GIGYF2: variants seen among roughly 807,000 people sequenced by gnomAD.
The protein encoded by GIGYF2 is GRB10-interacting GYF protein 2.
A neutral mutation model predicts 208.1 loss-of-function variants in GIGYF2; 25 were observed. The ratio of observed to expected loss-of-function variants is 0.12; its 90% CI spans 0.09 to 0.17. The LOEUF is 0.17. Ranked by LOEUF, GIGYF2 falls within the 10% of genes least tolerant of loss-of-function variation. GIGYF2 has a pLI of 1.00. For synonymous variants in GIGYF2, 534 were observed against 543.8 expected (o/e 0.98, Z 0.25); for missense variants, 1,302 against 1,579.4 (o/e 0.82, Z 2.98).
chr2:232,813,232 C>T (rs566048188), intron 18 of GIGYF2, among the ~76,000 whole-genome samples: 7 of 149,076 alleles, frequency 4.7e-5, no homozygotes, highest in South Asian at 2.1e-4. Context: ...CACTGTTGCC[C>T]GGGCTAGAGT....
rs185476632 is a variant in GIGYF2, at chr2:232,717,604, A to G, written c.-44+14115A>G. Among the ~76,000 whole-genome samples the G allele has an allele frequency of 6.9e-3, 1,047 of 152,268 alleles. 6 individuals carry two copies. The highest frequency in any genetic ancestry group is 0.027 in the Middle Eastern group (8 of 294). ...GAATACCTGAGACTGGGTGATTTAT[A>G]AAGAAAAGAGGTTTATTTGGCTCAT... On this transcript the variant is annotated intron_variant, in intron 2 of 28. Transcript: ENST00000373563.
At chr2:232,829,208 A>G (rs984958234) in intron 21 of GIGYF2, among the ~76,000 whole-genome samples, 6 of 152,154 alleles carry the variant, frequency 3.9e-5, no homozygotes, top group Non-Finnish European at 8.8e-5. Flanking sequence ...ATATACATTT[A>G]TATAGTTCTG....
intron 1 of GIGYF2, chr2:232,698,309 T>G (rs1426897861): frequency 6.6e-6 from 1 of 152,210 alleles, no homozygotes; most frequent in Non-Finnish European, 1.5e-5. Flanking sequence ...GTAAGAAAGG[T>G]AAGTATTCCA....
At chr2:232,729,379 A>G (rs1574808225) in intron 2 of GIGYF2, 1 of 351,046 alleles carries the variant, frequency 2.8e-6, no homozygotes, top group Non-Finnish European at 4.8e-6. Flanking sequence ...GCTTTGAATC[A>G]TAAAGAAGAA....
At chr2:232,709,744 G>A (rs2106253504) in intron 2 of GIGYF2, among the ~76,000 whole-genome samples, 1 of 151,932 alleles carries the variant, frequency 6.6e-6, no homozygotes, top group African/African-American at 2.4e-5. Context: ...GGGAGGCAGA[G>A]GTTTCAGTGA....
intron 8 of GIGYF2, among the ~76,000 whole-genome samples, chr2:232,773,327 G>A (rs994746667): frequency 6.6e-5 from 10 of 152,214 alleles, no homozygotes; most frequent in African/African-American, 2.2e-4. Context: ...TAATTCTTCA[G>A]TATCTCAACA....
At chr2:232,821,783 AT>A (rs569119350) in intron 21 of GIGYF2, among the ~76,000 whole-genome samples, 9 of 151,666 alleles carry the variant, frequency 5.9e-5, no homozygotes, top group African/African-American at 1.5e-4. Context: ...TATCTCCTGT[AT>A]TTTTTTTAAA....
At chr2:232,791,511 G>GCAGAAGCCTAAC in intron 12 of GIGYF2, 65 bp downstream of exon 12, 1 of 1,395,614 alleles carries the variant, frequency 7.2e-7, no homozygotes, top group African/African-American at 1.4e-5. Context: ...TCACTGATAA[G>GCAGAAGCCTAAC]TTAGGCTTCT....
At chr2:232,733,547 G>A (rs574203647) in intron 2 of GIGYF2, among the ~76,000 whole-genome samples, 3 of 152,314 alleles carry the variant, frequency 2.0e-5, no homozygotes, top group South Asian at 4.1e-4. Flanking sequence ...AGGCAACAGG[G>A]TGATAAAGGG....
chr2:232,786,299 G>A (rs936658039), intron 8 of GIGYF2, among the ~76,000 whole-genome samples: 1 of 151,902 alleles, frequency 6.6e-6, no homozygotes. Context: ...GTACAGTGTC[G>A]CGATCTCTGC....
At chr2:232,762,019 A>G (rs1184315713) in intron 8 of GIGYF2, among the ~76,000 whole-genome samples, 2 of 151,690 alleles carry the variant, frequency 1.3e-5, no homozygotes, top group African/African-American at 4.8e-5. Context: ...ATTTATATTT[A>G]AAGAATTTAT....
rs184935806 is a variant in GIGYF2 at position 232,745,712 on chromosome 2, C to A, written c.42-1903C>A. On this transcript the variant is annotated intron_variant, in intron 3 of 28. Transcript: ENST00000373563. ...TAAGGGAGGAATGAAAGAATATAAT[C>A]ACTTACAACCTTAGTGAACTTAGGG... is the stretch of plus-strand genomic sequence containing the variant. 7.2e-5 allele frequency among the ~76,000 whole-genome samples: 11 copies of A among 152,168 alleles called. 1 individual carries two copies. Among genetic ancestry groups the A allele is most frequent in the African/African-American group, 2.6e-4 (11 of 41,516 alleles).
chr2:232,732,618 C>T (rs748041673), intron 2 of GIGYF2, among the ~76,000 whole-genome samples: 2 of 150,752 alleles, frequency 1.3e-5, no homozygotes, highest in African/African-American at 4.9e-5. Flanking sequence ...ATAGTGTTTT[C>T]TTTTTTATTT....
At chr2:232,832,098 C>T (rs897442659) in intron 21 of GIGYF2, among the ~76,000 whole-genome samples, 1 of 152,140 alleles carries the variant, frequency 6.6e-6, no homozygotes, top group Admixed American at 6.6e-5. Flanking sequence ...TGACCTTAAT[C>T]AAAAGGCAAA....
At chr2:232,767,642 G>A (rs1699030945) in intron 8 of GIGYF2, 1 of 158,134 alleles carries the variant, frequency 6.3e-6, no homozygotes, top group Non-Finnish European at 1.4e-5. Flanking sequence ...GTTAATTTTT[G>A]TTCTTAGTTG....
intron 13 of GIGYF2, 53 bp downstream of exon 13, chr2:232,794,997 G>C (rs1275999904): frequency 7.9e-7 from 1 of 1,264,092 alleles, no homozygotes; most frequent in Non-Finnish European, 1.2e-6. Context: ...GTAAGAATTA[G>C]CAGGCATTGC....
chr2:232,729,064 G>A (rs73092790), intron 2 of GIGYF2, among the ~76,000 whole-genome samples: 11,909 of 151,890 alleles, frequency 0.078, 596 homozygotes, highest in East Asian at 0.18. Context: ...CTGCAGTCTC[G>A]ACCTCCTGGG....
chr2:232,758,217 C>T (rs1698620146), intron 6 of GIGYF2, among the ~76,000 whole-genome samples: 1 of 152,124 alleles, frequency 6.6e-6, no homozygotes, highest in African/African-American at 2.4e-5. Context: ...GCAGAGCTAA[C>T]ACTAGATGAT....
chr2:232,831,702 A>G (rs1222018057), intron 21 of GIGYF2, among the ~76,000 whole-genome samples: 2 of 152,200 alleles, frequency 1.3e-5, no homozygotes, highest in Non-Finnish European at 2.9e-5. Context: ...CGGCCTTTGC[A>G]TACTCCTCCT....
Sources: allele counts gnomAD v4.1 joint callset (sites outside exome capture counted in the v4.1 genomes callset), GRCh38; gene constraint gnomAD v4.1.1; transcripts MANE v1.5; gene names NCBI Gene and HGNC (gene_info 2026-07-23, HGNC 2026-07-21).